TEKT5: variants seen among roughly 807,000 people sequenced by gnomAD.
The protein encoded by TEKT5 is tektin-5.
TEKT5 carries 52 observed loss-of-function variants against 48.7 expected under a neutral mutation model. That is an observed-to-expected ratio of 1.07 (90% CI 0.86 to 1.35). The LOEUF (loss-of-function observed/expected upper bound fraction) is 1.35, where lower values mean the gene tolerates loss of function less well. Among genes scored for constraint, TEKT5 ranks in the 40% most tolerant of loss-of-function variants. TEKT5 has a pLI of 0.00. For missense variants in TEKT5, 831 were observed against 641.6 expected (o/e 1.30, Z -3.19); for synonymous variants, 318 against 267.6 (o/e 1.19, Z -1.84).
chr16:10,637,284 C>A (rs1384460526), intron 5 of TEKT5, among the ~76,000 whole-genome samples: 1 of 151,712 alleles, frequency 6.6e-6, no homozygotes, highest in Non-Finnish European at 1.5e-5. Flanking sequence ...GATCCACCTG[C>A]CTCGGCCTCC....
chr16:10,634,108 T>C (rs1897879137), intron 6 of TEKT5, among the ~76,000 whole-genome samples: 1 of 152,210 alleles, frequency 6.6e-6, no homozygotes, highest in South Asian at 2.1e-4. Context: ...CCCTGCCCAG[T>C]GAAGCCCTGG....
intron 3 of TEKT5, among the ~76,000 whole-genome samples, chr16:10,683,172 G>T (rs1329102094): frequency 6.6e-6 from 1 of 152,124 alleles, no homozygotes; most frequent in African/African-American, 2.4e-5. Flanking sequence ...ACAATAAATA[G>T]GAGTAGACCT....
chr16:10,663,095 T>A (rs1406295125), intron 5 of TEKT5, among the ~76,000 whole-genome samples: 1 of 152,114 alleles, frequency 6.6e-6, no homozygotes, highest in Admixed American at 6.5e-5. Context: ...AGGTCAGCAC[T>A]GGGAATGGTC....
chr16:10,641,706 C>T (rs2430639), intron 5 of TEKT5, among the ~76,000 whole-genome samples: 3,419 of 152,256 alleles, frequency 0.022, 132 homozygotes, highest in African/African-American at 0.079. Context: ...CCTGTAGTCC[C>T]AGCTACAAGG....
At chr16:10,628,547 G>A (rs1002112650) in intron 6 of TEKT5, among the ~76,000 whole-genome samples, 2 of 152,194 alleles carry the variant, frequency 1.3e-5, no homozygotes, top group African/African-American at 4.8e-5. Flanking sequence ...TGGATGGATG[G>A]ATGAGTGGAT....
intron 4 of TEKT5, among the ~76,000 whole-genome samples, chr16:10,680,801 C>A (rs1370489566): frequency 1.1e-4 from 15 of 131,234 alleles, no homozygotes; most frequent in Non-Finnish European, 2.3e-4. Context: ...TAGGTGGGAA[C>A]TGAACAATGA....
At chr16:10,639,069 C>T (rs1208832463) in intron 5 of TEKT5, among the ~76,000 whole-genome samples, 1 of 152,148 alleles carries the variant, frequency 6.6e-6, no homozygotes, top group Admixed American at 6.5e-5. Flanking sequence ...TTTTGGGAGG[C>T]CAAAGTGGTG....
rs747148360 is a variant in TEKT5, at chr16:10,635,826, T to G, written c.1179A>C (p.Thr393=). Residue 393 remains threonine (T), a synonymous_variant, in exon 6 of 7, where the codon ACA becomes ACC. Coordinates refer to ENST00000283025, the MANE Select transcript of TEKT5 (RefSeq NM_144674.2). The stretch of plus-strand genomic sequence containing the variant: ...GGCGCCGGGTCCGGCACTCCAGCCT[T>G]GTCTGGGCCACCTTCAGCGGGCCCT... ...AKEGPLKVAQ[T]RLECRTRRPN... is the part of the protein sequence containing the mutation. The G allele has an allele frequency of 1.2e-6, 2 of 1,613,980 alleles. No homozygotes were observed. The highest frequency in any genetic ancestry group is 1.7e-6 in the Non-Finnish European group (2 of 1,180,022).
At chr16:10,689,385 G>C in intron 2 of TEKT5, 62 bp from the exon 3 acceptor site, 3 of 1,419,174 alleles carry the variant, frequency 2.1e-6, no homozygotes, top group Non-Finnish European at 2.0e-6. Context: ...TCTCTCCCAG[G>C]CCAGAGCCCT....
At chr16:10,664,692 G>A (rs1017168731) in intron 5 of TEKT5, among the ~76,000 whole-genome samples, 3 of 152,154 alleles carry the variant, frequency 2.0e-5, no homozygotes, top group African/African-American at 7.2e-5. Flanking sequence ...CCTCACAGCT[G>A]GTAGGATTGT....
chr16:10,629,871 C>A (rs1159852851), intron 6 of TEKT5, among the ~76,000 whole-genome samples: 1 of 152,198 alleles, frequency 6.6e-6, no homozygotes, highest in African/African-American at 2.4e-5. Context: ...CTGGGCTGCC[C>A]CGTACTACTT....
rs889062527 is a variant in TEKT5, at chr16:10,674,062, T to TCC, written c.1086+1895_1086+1896dup. ...TGTCCTGCTTAAAATCTTCAAAGGCTCCCCATTGCTCTTAGGTAGGAATCC... is the reference window on the plus strand; with the variant it reads ...TGTCCTGCTTAAAATCTTCAAAGGCTCCCCCCATTGCTCTTAGGTAGGAATCC... On this transcript the variant is annotated intron_variant, in intron 5 of 6. Coordinates refer to ENST00000283025, the MANE Select transcript of TEKT5 (RefSeq NM_144674.2). 2.6e-5 allele frequency among the ~76,000 whole-genome samples: 4 copies of TCC among 152,138 alleles called. No homozygotes were observed. The East Asian group carries it at 7.7e-4, about 29-fold the overall frequency.
chr16:10,630,453 T>C (rs1340975280), intron 6 of TEKT5, among the ~76,000 whole-genome samples: 1 of 151,916 alleles, frequency 6.6e-6, no homozygotes, highest in Non-Finnish European at 1.5e-5. Context: ...TGCCTCCAGG[T>C]TGGTCTCAAA....
chr16:10,640,933 G>T (rs115075805), intron 5 of TEKT5, among the ~76,000 whole-genome samples: 2,577 of 152,276 alleles, frequency 0.017, 84 homozygotes, highest in African/African-American at 0.057. Context: ...GAGCTGCTAT[G>T]AATATTTGTA....
chr16:10,672,610 C>T (rs891584223), intron 5 of TEKT5, among the ~76,000 whole-genome samples: 5 of 152,098 alleles, frequency 3.3e-5, no homozygotes, highest in African/African-American at 9.7e-5. Context: ...ACCACCTCAA[C>T]ATTGTAGATT....
intron 5 of TEKT5, among the ~76,000 whole-genome samples, chr16:10,647,275 T>A (rs913445279): frequency 1.5e-4 from 22 of 151,508 alleles, no homozygotes; most frequent in African/African-American, 5.3e-4. Context: ...TTCGACCAGC[T>A]TGGGTAGCAT....
chr16:10,692,016 C>A (rs1435198359), intron 1 of TEKT5, among the ~76,000 whole-genome samples: 3 of 150,754 alleles, frequency 2.0e-5, no homozygotes, highest in East Asian at 1.9e-4. Flanking sequence ...GCTGTAAGGA[C>A]AATGGATTGG....
chr16:10,691,988 T>G (rs1037567549), intron 1 of TEKT5, among the ~76,000 whole-genome samples: 1 of 148,840 alleles, frequency 6.7e-6, no homozygotes, highest in African/African-American at 2.5e-5. Context: ...TGGGAGGCCA[T>G]CAAGGGAACC....
At chr16:10,645,702 T>G (rs938752636) in intron 5 of TEKT5, among the ~76,000 whole-genome samples, 1 of 152,120 alleles carries the variant, frequency 6.6e-6, no homozygotes, top group Non-Finnish European at 1.5e-5. Flanking sequence ...ACTGGGAGGC[T>G]GAGACAGGAA....
Sources: allele counts gnomAD v4.1 joint callset (sites outside exome capture counted in the v4.1 genomes callset), GRCh38; gene constraint gnomAD v4.1.1; transcripts MANE v1.5; gene names NCBI Gene and HGNC (gene_info 2026-07-23, HGNC 2026-07-21).